RAF1: variants seen among roughly 807,000 people sequenced by gnomAD.
The protein encoded by RAF1 is RAF proto-oncogene serine/threonine-protein kinase.
Under a neutral mutation model 81.1 loss-of-function variants are expected in RAF1, and 27 were observed. That is an observed-to-expected ratio of 0.33 (90% confidence interval 0.25 to 0.46). The LOEUF is 0.46. Ranked by LOEUF, RAF1 falls within the 20% of genes least tolerant of loss-of-function variation. The pLI, the probability that RAF1 is intolerant of heterozygous loss-of-function variation, is 1.00. For synonymous variants in RAF1, 298 were observed against 294.0 expected (o/e 1.01, Z -0.14); for missense variants, 598 against 826.0 (o/e 0.72, Z 3.38).
At chr3:12,586,045 C>G (rs573054009) in intron 14 of RAF1, 5 of 488,548 alleles carry the variant, frequency 1.0e-5, no homozygotes, top group African/African-American at 9.7e-5. Flanking sequence ...GCCAGCGTTT[C>G]TTCCCTGCTT....
chr3:12,609,066 A>G (rs2059127637), intron 4 of RAF1, 143 bp from the exon 5 acceptor site: 9 of 1,136,312 alleles, frequency 7.9e-6, no homozygotes, highest in Non-Finnish European at 1.2e-5. Flanking sequence ...AAATTAGAGT[A>G]TATCTCTGAC....
Position 12,664,067 on chromosome 3 carries a change from G to C in RAF1, c.-281C>G, listed in dbSNP as rs61761285. Reference sequence around the variant, plus strand: ...AGAAAGCCGTTCCCGCCTCACAATCGTTTTCCTCTTACTCCCGCCATCTAA... The same window carrying C: ...AGAAAGCCGTTCCCGCCTCACAATCCTTTTCCTCTTACTCCCGCCATCTAA... On this transcript the variant is annotated 5_prime_UTR_variant, in exon 1 of 18. Transcript: ENST00000442415. The C allele has an allele frequency of 4.7e-3, 1,891 of 398,360 alleles. 24 individuals carry two copies. The highest frequency in any genetic ancestry group is 0.036 in the African/African-American group (1,741 of 48,708). 24.7% of individuals were successfully genotyped at this position (398,360 alleles called of 1,614,324 possible). A position where few individuals can be genotyped will look rare whatever the true frequency, so the allele number is the denominator to read the frequency against.
intron 11 of RAF1, among the ~76,000 whole-genome samples, chr3:12,593,800 T>TTTC (rs534708213): frequency 0.05 from 7,416 of 149,738 alleles, 214 homozygotes; most frequent in Non-Finnish European, 0.077. Context: ...TTTTTTTTTT[T>TTTC]TTTTTCTTTT....
At chr3:12,612,649 CAAAA>C (rs546490049) in intron 2 of RAF1, among the ~76,000 whole-genome samples, 4 of 74,682 alleles carry the variant, frequency 5.4e-5, no homozygotes, top group Admixed American at 2.8e-4. Context: ...GACTCCGTCT[CAAAA>C]AAAAAAAAAA....
chr3:12,591,285 C>G (rs2058507669), intron 12 of RAF1, among the ~76,000 whole-genome samples: 1 of 152,070 alleles, frequency 6.6e-6, no homozygotes, highest in Non-Finnish European at 1.5e-5. Flanking sequence ...TAGAAGTCTC[C>G]ATTATATGAC....
intron 1 of RAF1, among the ~76,000 whole-genome samples, chr3:12,629,865 A>T (rs2059811937): frequency 6.6e-6 from 1 of 152,186 alleles, no homozygotes; most frequent in South Asian, 2.1e-4. Flanking sequence ...GGCTCACTGC[A>T]GCCTTGAGCC....
At chr3:12,650,198 C>A (rs548423964) in intron 1 of RAF1, among the ~76,000 whole-genome samples, 2 of 149,814 alleles carry the variant, frequency 1.3e-5, no homozygotes, top group Admixed American at 1.3e-4. Flanking sequence ...GGTAGTCATG[C>A]CTACAGTCCC....
intron 1 of RAF1, among the ~76,000 whole-genome samples, chr3:12,639,725 A>G (rs1188621511): frequency 2.6e-5 from 4 of 152,212 alleles, no homozygotes; most frequent in African/African-American, 9.6e-5. Context: ...ATAAAAGAGG[A>G]CACAAATGGA....
At chr3:12,604,088 T>TCA (rs2058948296) in intron 7 of RAF1, 48 bp downstream of exon 7, 1 of 1,606,718 alleles carries the variant, frequency 6.2e-7, no homozygotes, top group African/African-American at 1.3e-5. Context: ...AGTATCAACC[T>TCA]CACCCCATTA....
intron 1 of RAF1, among the ~76,000 whole-genome samples, chr3:12,637,344 A>G (rs1335817729): frequency 4.2e-5 from 2 of 47,066 alleles, no homozygotes; most frequent in East Asian, 2.7e-3. Flanking sequence ...TGCTTCTATT[A>G]ACATTTTTTT....
At chr3:12,591,055 T>A (rs2058500631) in intron 12 of RAF1, 81 bp from the exon 12 acceptor site, 2 of 1,353,816 alleles carry the variant, frequency 1.5e-6, no homozygotes, top group East Asian at 4.6e-5. Context: ...GGACAGTGGG[T>A]TCTGTGCTGT....
rs59472802 is a variant in RAF1, at chr3:12,598,725, C to CAAAA, written c.1168+962_1168+965dup. ...TGGGCAACAGAGCAAGAATCTATCT[C>CAAAA]AAAAAAAAAAAAAAAAAAAAAAAAA... On this transcript the variant is annotated intron_variant, in intron 11 of 17. Coordinates refer to ENST00000442415, the MANE Select transcript of RAF1 (RefSeq NM_001354689.3). 6.9e-4 allele frequency among the ~76,000 whole-genome samples: 43 copies of CAAAA among 61,992 alleles called. 2 individuals carry two copies. Among genetic ancestry groups the CAAAA allele is most frequent in the African/African-American group, 2.0e-3 (38 of 18,742 alleles). 40.7% of individuals were successfully genotyped at this position (61,992 alleles called of 152,430 possible). A position where few individuals can be genotyped will look rare whatever the true frequency, so the allele number is the denominator to read the frequency against.
intron 1 of RAF1, among the ~76,000 whole-genome samples, chr3:12,654,013 A>T (rs2060610683): frequency 6.7e-6 from 1 of 149,454 alleles, no homozygotes; most frequent in African/African-American, 2.5e-5. Flanking sequence ...TTTTCAAGAG[A>T]CAGCATCTTG....
rs147476422 is a variant in RAF1 at position 12,650,257 on chromosome 3, G to A, written c.-27+13556C>T. Among the ~76,000 whole-genome samples, 14 of 151,756 alleles carry A rather than the reference G, an allele frequency of 9.2e-5. No individual in the cohort carries two copies. The East Asian group carries it at 2.1e-3, about 23-fold the overall frequency. ...AAGGATTGTCTGAGCCCAGGAGGTC[G>A]AGGCTGGAGTGAGCCGTGACTGCAT... On this transcript the variant is annotated intron_variant, in intron 1 of 17. Coordinates refer to ENST00000442415, the MANE Select transcript of RAF1 (RefSeq NM_001354689.3).
At chr3:12,661,294 T>TA (rs1163384981) in intron 1 of RAF1, among the ~76,000 whole-genome samples, 5 of 152,188 alleles carry the variant, frequency 3.3e-5, no homozygotes, top group Admixed American at 2.0e-4. Flanking sequence ...TCAATACAAA[T>TA]AAATAGTTTA....
At chr3:12,657,854 C>A (rs62240819) in intron 1 of RAF1, among the ~76,000 whole-genome samples, 1 of 147,714 alleles carries the variant, frequency 6.8e-6, no homozygotes, top group Non-Finnish European at 1.5e-5. Context: ...ACTTTTATCA[C>A]CCAAAAAAAA....
At chr3:12,628,581 A>G (rs1161775196) in intron 1 of RAF1, among the ~76,000 whole-genome samples, 1 of 152,118 alleles carries the variant, frequency 6.6e-6, no homozygotes, top group Non-Finnish European at 1.5e-5. Flanking sequence ...TATCGTGTTA[A>G]TAAGAAAAAA....
chr3:12,588,342 A>C (rs996899429), intron 13 of RAF1: 2 of 152,196 alleles, frequency 1.3e-5, no homozygotes, highest in African/African-American at 4.8e-5. Flanking sequence ...GCATCACTTA[A>C]CGGCAGGGAT....
rs2125319886 is a variant in RAF1 at position 12,584,950 on chromosome 3, G to C, written c.1760C>G (p.Ser587Cys). ...CTTATATAGCTTACTAAGATCTGGG[G>C]AGGCATATCCTCGGCCCACCATGAA... The change falls in exon 17 of 18, where the codon TCC becomes TGC. Residue 587 changes from serine to cysteine, a missense_variant. This residue lies in a region of RAF1 where 147 missense variants were observed against 196.1 expected (regional missense o/e 0.75). Transcript: ENST00000442415. 3 of 1,614,156 alleles carry C rather than the reference G, an allele frequency of 1.9e-6. No individual in the cohort carries two copies. The highest frequency in any genetic ancestry group is 2.5e-6 in the Non-Finnish European group (3 of 1,180,030).
Sources: gnomAD v4.1 joint callset for allele counts (sites outside exome capture counted in the v4.1 genomes callset) on GRCh38, gnomAD v4.1.1 for gene constraint, gnomAD v4.1.1 regional missense constraint, MANE v1.5 for transcripts, NCBI Gene and HGNC (gene_info 2026-07-23, HGNC 2026-07-21) for gene names.